Variants in ENAH observed in about 807,000 individuals in gnomAD.
ENAH encodes ENAH actin regulator.
ENAH carries 23 observed loss-of-function variants against 78.7 expected under a neutral mutation model. That is an observed-to-expected ratio of 0.29 (90% confidence interval 0.21 to 0.41). The LOEUF (loss-of-function observed/expected upper bound fraction) is 0.41, where lower values mean the gene tolerates loss of function less well. Among genes scored for constraint, ENAH ranks in the 10% least tolerant of loss-of-function variants. The probability of loss-of-function intolerance (pLI) is 1.00; values close to 1 mark genes in which losing one functional copy is unlikely to be tolerated. For synonymous variants in ENAH, 226 were observed against 241.0 expected, an observed-to-expected ratio of 0.94 and a Z score of 0.58; for missense variants, 544 against 691.0, an observed-to-expected ratio of 0.79 and a Z score of 2.39.
chr1:225,649,739 A>G (rs1662618835), intron 1 of ENAH, among the ~76,000 whole-genome samples: 1 of 152,230 alleles, frequency 6.6e-6, no homozygotes, highest in Admixed American at 6.5e-5. Context: ...TCAGGAACAT[A>G]AACTATTATT....
At chr1:225,552,088 G>C (rs1392056632) in intron 3 of ENAH, among the ~76,000 whole-genome samples, 2 of 150,214 alleles carry the variant, frequency 1.3e-5, no homozygotes, top group Non-Finnish European at 1.5e-5. Context: ...CTACACTGGA[G>C]AATCTGCGTA....
intron 4 of ENAH, among the ~76,000 whole-genome samples, chr1:225,527,017 C>T (rs892512070): frequency 6.6e-6 from 1 of 152,176 alleles, no homozygotes; most frequent in Non-Finnish European, 1.5e-5. Context: ...TGGCAATTTT[C>T]CCACAGAGGA....
At chr1:225,510,931 G>A (rs533670324) in intron 10 of ENAH, among the ~76,000 whole-genome samples, 1 of 151,992 alleles carries the variant, frequency 6.6e-6, no homozygotes, top group African/African-American at 2.4e-5. Context: ...TAAGGTGGGA[G>A]GATCACTTGA....
intron 1 of ENAH, among the ~76,000 whole-genome samples, chr1:225,577,485 A>G (rs2096794054): frequency 6.6e-6 from 1 of 152,260 alleles, no homozygotes; most frequent in African/African-American, 2.4e-5. Context: ...GGAATGCAGC[A>G]GCACCAAATA....
In ENAH at chr1:225,490,750, A is replaced by C. The variant is rs1325688086; in HGVS notation, c.*7025T>G. On this transcript the variant is annotated 3_prime_UTR_variant, in exon 14 of 14. Coordinates refer to ENST00000366843, the MANE Select transcript of ENAH (RefSeq NM_018212.6). ...TTCTTCTCAATATCTAAGCCTTCCC[A>C]ATTACTTTCCTCAGATAAACTATAA... The C allele has an allele frequency of 2.6e-5, 4 of 152,208 alleles. No homozygotes were observed. The highest frequency in any genetic ancestry group is 9.6e-5 in the African/African-American group (4 of 41,458). The allele number at this position is 152,208 out of a possible 1,614,324, so 9.4% of individuals were successfully genotyped here.
intron 1 of ENAH, among the ~76,000 whole-genome samples, chr1:225,631,988 T>C (rs1176690751): frequency 6.6e-6 from 1 of 152,238 alleles, no homozygotes; most frequent in Admixed American, 6.5e-5. Flanking sequence ...TTTTTATGGA[T>C]TGCCTTTGTA....
intron 1 of ENAH, among the ~76,000 whole-genome samples, chr1:225,593,556 G>A (rs1191703381): frequency 6.6e-6 from 1 of 152,136 alleles, no homozygotes; most frequent in Non-Finnish European, 1.5e-5. Context: ...GTGTCACGCA[G>A]TTGACACTAC....
intron 1 of ENAH, among the ~76,000 whole-genome samples, chr1:225,624,524 T>G (rs2148291254): frequency 6.6e-6 from 1 of 152,106 alleles, no homozygotes; most frequent in African/African-American, 2.4e-5. Flanking sequence ...CTTGGGAGGC[T>G]GAGGAAGGAG....
intron 11 of ENAH, chr1:225,505,193 C>A: frequency 5.8e-6 from 3 of 518,708 alleles, no homozygotes; most frequent in East Asian, 3.3e-5. Context: ...CAATTTTTCC[C>A]CAATAAAAGA....
chr1:225,569,126 T>C (rs925259810), intron 1 of ENAH, among the ~76,000 whole-genome samples: 1 of 152,236 alleles, frequency 6.6e-6, no homozygotes, highest in Admixed American at 6.5e-5. Flanking sequence ...TACATAACCC[T>C]ATGGAAAGAT....
At position 225,519,294 on chromosome 1, in the gene ENAH, C is replaced by T. The variant is rs2096447116; in HGVS notation, c.706G>A (p.Glu236Lys). Reference protein sequence around the residue: ...RQERQERERLERLERERQERE... With the variant: ...RQERQERERLKRLERERQERE... ...TCTTGCCTCTCCCGTTCCAGTCTCT[C>T]CAGCCTCTCTCGTTCTTGTCTTTCT... Residue 236 changes from glutamate to lysine, a missense_variant, in exon 5 of 14, where the codon GAG (glutamate) becomes AAG (lysine). Physicochemically the swap from Glu to Lys is moderately conservative, Grantham distance 56. Around this residue, in one of 4 missense-constraint regions of ENAH, gnomAD observed 366 missense variants for 396.1 expected, o/e 0.92. Coordinates refer to ENST00000366843, the MANE Select transcript of ENAH (RefSeq NM_018212.6). 1 of 1,613,848 alleles carries T rather than the reference C, an allele frequency of 6.2e-7. No individual in the cohort carries two copies. The highest frequency in any genetic ancestry group is 8.5e-7 in the Non-Finnish European group (1 of 1,179,974).
rs1255531982 is a variant in ENAH, at chr1:225,493,180, CAT to C, written c.*4593_*4594del. On this transcript the variant is annotated 3_prime_UTR_variant, in exon 14 of 14. Coordinates refer to ENST00000366843, the MANE Select transcript of ENAH (RefSeq NM_018212.6). ...TGTCTCAAAAATTATCGAGAGATAA[CAT>C]AAAGGGGAACACACCAAATAATCCA... is the stretch of plus-strand genomic sequence containing the variant. 3 of 152,060 alleles carry C rather than the reference CAT, an allele frequency of 2.0e-5. No homozygotes were observed. Among genetic ancestry groups the C allele is most frequent in the African/African-American group, 7.2e-5 (3 of 41,406 alleles). 9.4% of individuals were successfully genotyped at this position (152,060 alleles called of 1,614,324 possible).
intron 1 of ENAH, among the ~76,000 whole-genome samples, chr1:225,567,992 G>A (rs1417491038): frequency 6.6e-6 from 1 of 152,112 alleles, no homozygotes; most frequent in African/African-American, 2.4e-5. Context: ...ACAACCAATG[G>A]ATGGCAGTGT....
chr1:225,647,154 A>T (rs1662131864), intron 1 of ENAH, among the ~76,000 whole-genome samples: 1 of 152,134 alleles, frequency 6.6e-6, no homozygotes. Context: ...TGAACCCAGG[A>T]GGCGGAAGCT....
chr1:225,640,956 C>A (rs991631142), intron 1 of ENAH, among the ~76,000 whole-genome samples: 1 of 142,480 alleles, frequency 7.0e-6, no homozygotes, highest in Non-Finnish European at 1.5e-5. Context: ...AGTGCAATGG[C>A]GCGATCTCGG....
rs371486457 is a variant in ENAH at position 225,494,064 on chromosome 1, CAAAAAAAAA to C, written c.*3702_*3710del. 1 of 73,160 alleles carries C rather than the reference CAAAAAAAAA, an allele frequency of 1.4e-5. No homozygotes were observed. The highest frequency in any genetic ancestry group is 5.9e-4 in the South Asian group (1 of 1,702). The allele number at this position is 73,160 out of a possible 1,614,324, so 4.5% of individuals were successfully genotyped here. ...AGCAAGAACATGAGACAGGCTAGAG[CAAAAAAAAA>C]AAAAAAAAAACAGCTGAAAATTTTA... On this transcript the variant is annotated 3_prime_UTR_variant, in exon 14 of 14. Coordinates refer to ENST00000366843, the MANE Select transcript of ENAH (RefSeq NM_018212.6).
In ENAH at chr1:225,510,699, TAAA is replaced by T. The variant is rs770906084; in HGVS notation, c.1471+1109_1471+1111del. Among the ~76,000 whole-genome samples the T allele has an allele frequency of 8.5e-4, 90 of 106,014 alleles. 1 individual carries two copies. The highest frequency in any genetic ancestry group is 2.7e-3 in the South Asian group (9 of 3,292). The allele number at this position is 106,014 out of a possible 152,430, so 69.5% of individuals were successfully genotyped here. On this transcript the variant is annotated intron_variant, in intron 10 of 13. Coordinates refer to ENST00000366843, the MANE Select transcript of ENAH (RefSeq NM_018212.6). ...CAAAAACAAAAACTTCAGAGGTACTTAAAAAAAAAAAAAAAAAAAAAGGAATTC... is the reference window on the plus strand; with the variant it reads ...CAAAAACAAAAACTTCAGAGGTACTTAAAAAAAAAAAAAAAAAAGGAATTC...
chr1:225,610,568 A>T (rs1445633370), intron 1 of ENAH, among the ~76,000 whole-genome samples: 2 of 152,098 alleles, frequency 1.3e-5, no homozygotes, highest in Admixed American at 6.5e-5. Flanking sequence ...AGATTATGTG[A>T]CTCAAGAGAG....
chr1:225,612,906 T>C (rs1270746639), intron 1 of ENAH, among the ~76,000 whole-genome samples: 1 of 152,150 alleles, frequency 6.6e-6, no homozygotes, highest in Non-Finnish European at 1.5e-5. Context: ...TCAACCACGA[T>C]ACATTTACAA....
Sources: allele counts gnomAD v4.1 joint callset (sites outside exome capture counted in the v4.1 genomes callset), GRCh38; gene constraint gnomAD v4.1.1; regional missense constraint gnomAD v4.1.1; transcripts MANE v1.5; gene names NCBI Gene and HGNC (gene_info 2026-07-23, HGNC 2026-07-21).